The following BOD1 variants were observed in gnomAD, a reference collection of about 807,000 sequenced individuals.
BOD1 encodes the protein biorientation of chromosomes in cell division 1.
A neutral mutation model predicts 15.7 loss-of-function variants in BOD1; 11 were observed. That is an observed-to-expected ratio of 0.70 (90% CI 0.44 to 1.16). The LOEUF is 1.16. Among genes scored for constraint, BOD1 ranks in the 50% most tolerant of loss-of-function variants. The pLI is 0.00. For missense variants in BOD1, 182 were observed against 244.5 expected, an observed-to-expected ratio of 0.74 and a Z score of 1.70; for synonymous variants, 105 against 103.5, an observed-to-expected ratio of 1.01 and a Z score of -0.09.
At chr5:173,615,174 C>G (rs1318929405) in intron 1 of BOD1, among the ~76,000 whole-genome samples, 1 of 152,200 alleles carries the variant, frequency 6.6e-6, no homozygotes, top group East Asian at 1.9e-4. Context: ...GGAGAAGGAA[C>G]AGTGTATACC....
In BOD1 at chr5:173,609,321, G is replaced by T; in HGVS notation, c.476C>A (p.Ala159Asp). ...IERAIHEFLA[A>D]QKKAAVPAPP... ...TGCTGGCACAGCTGCTTTTTTCTGG[G>T]CCGCCAGGAACTCATGAATTGCTCG... Residue 159 changes from alanine (A) to aspartate (D), a missense_variant, in exon 3 of 4, where the codon GCC becomes GAC. Physicochemically the swap from Ala to Asp is moderately radical, Grantham distance 126. Around this residue, in one of 3 missense-constraint regions of BOD1, gnomAD observed 40 missense variants for 45.3 expected, o/e 0.88. Coordinates refer to ENST00000311086, the MANE Select transcript of BOD1 (RefSeq NM_138369.3). 6.2e-7 allele frequency: 1 copy of T among 1,614,210 alleles called. No homozygotes were observed. The highest frequency in any genetic ancestry group is 8.5e-7 in the Non-Finnish European group (1 of 1,180,046).
intron 1 of BOD1, among the ~76,000 whole-genome samples, chr5:173,615,310 G>A (rs891263607): frequency 6.6e-6 from 1 of 152,162 alleles, no homozygotes; most frequent in African/African-American, 2.4e-5. Flanking sequence ...GGCAACTAGA[G>A]GCCAATAAAC....
In BOD1 at chr5:173,611,635, A is replaced by G. The variant is rs541989802; in HGVS notation, c.362+1496T>C. On this transcript the variant is annotated intron_variant, in intron 2 of 3. Coordinates refer to ENST00000311086, the MANE Select transcript of BOD1 (RefSeq NM_138369.3). ...TATGGAAAACTTCCGAAAGGAGGAA[A>G]GTACATCCGGAGCTAGGCTGTTTCG... 2.0e-5 allele frequency among the ~76,000 whole-genome samples: 3 copies of G among 152,336 alleles called. No individual in the cohort carries two copies. In the East Asian group the frequency reaches 5.8e-4, roughly 29 times the overall value.
In BOD1 at chr5:173,609,451, G is replaced by A. The variant is rs369008982; in HGVS notation, c.363-17C>T. 1.2e-5 allele frequency: 15 copies of A among 1,219,326 alleles called. No individual in the cohort carries two copies. Among genetic ancestry groups the A allele is most frequent in the African/African-American group, 5.7e-5 (2 of 35,388 alleles). 75.5% of individuals were successfully genotyped at this position (1,219,326 alleles called of 1,614,324 possible). ...ATCCCTGACCTTGTGGAGACAAACA[G>A]ATCATTCTGTTATTTAGTTCCTTCG... On this transcript the variant is annotated splice_polypyrimidine_tract_variant and intron_variant, in intron 2 of 3. Coordinates refer to ENST00000311086, the MANE Select transcript of BOD1 (RefSeq NM_138369.3).
In BOD1 at chr5:173,613,511, G is replaced by T. The variant is rs547098654; in HGVS notation, c.238-256C>A. Among the ~76,000 whole-genome samples, 24 of 152,256 alleles carry T rather than the reference G, an allele frequency of 1.6e-4. No individual in the cohort carries two copies. In the Middle Eastern group the frequency reaches 0.017, roughly 108 times the overall value. ...CTTTTAAGTAACTCTACATGCAGCA[G>T]GCCTGACATCAACCCACAGCCTGGA... On this transcript the variant is annotated intron_variant, in intron 1 of 3. Coordinates refer to ENST00000311086, the MANE Select transcript of BOD1 (RefSeq NM_138369.3).
At chr5:173,609,497 T>A (rs1755292565) in intron 2 of BOD1, 63 bp from the exon 3 acceptor site, 1 of 1,456,218 alleles carries the variant, frequency 6.9e-7, no homozygotes, top group Non-Finnish European at 9.3e-7. Flanking sequence ...TTAGCCCCAA[T>A]AAGTGTCACG....
intron 2 of BOD1, 32 bp from the exon 3 acceptor site, chr5:173,609,466 T>C: frequency 7.9e-7 from 1 of 1,266,636 alleles, no homozygotes; most frequent in Non-Finnish European, 1.1e-6. Flanking sequence ...TTCTGTTATT[T>C]AGTTCCTTCG....
rs767474821 is a variant in BOD1, at chr5:173,609,304, C to T, written c.493G>A (p.Val165Met). 4 of 1,614,208 alleles carry T rather than the reference C, an allele frequency of 2.5e-6. No individual in the cohort carries two copies. The highest frequency in any genetic ancestry group is 2.2e-5 in the East Asian group (1 of 44,876). ...TCGGGCTCTGGAGGGGGTGCTGGCA[C>T]AGCTGCTTTTTTCTGGGCCGCCAGG... is the stretch of plus-strand genomic sequence containing the variant. ...EFLAAQKKAA[V>M]PAPPPEPEGQ... The change falls in exon 3 of 4, where the codon GTG becomes ATG. Residue 165 changes from valine (V) to methionine (M), a missense_variant. By Grantham distance (21) the Val-to-Met change is conservative (BLOSUM62 1). Coordinates refer to ENST00000311086, the MANE Select transcript of BOD1 (RefSeq NM_138369.3).
Position 173,609,344 on chromosome 5 carries a change from T to A in BOD1, c.453A>T (p.Arg151=). The A allele has an allele frequency of 6.2e-7, 1 of 1,613,550 alleles. No homozygotes were observed. Among genetic ancestry groups the A allele is most frequent in the Non-Finnish European group, 8.5e-7 (1 of 1,180,036 alleles). ...GGGCCGCCAGGAACTCATGAATTGC[T>A]CGTTCTATTTGTGGCCTGAAGATGT... The part of the protein sequence containing the change: ...LNHIFRPQIE[R]AIHEFLAAQK... Residue 151 remains arginine, a synonymous_variant, in exon 3 of 4, where the codon CGA becomes CGT. Coordinates refer to ENST00000311086, the MANE Select transcript of BOD1 (RefSeq NM_138369.3).
In BOD1 at chr5:173,616,414, C is replaced by A. The variant is rs1755504709; in HGVS notation, c.23G>T (p.Gly8Val). The change falls in exon 1 of 4, where the codon GGG (glycine) becomes GTG (valine). Residue 8 changes from glycine to valine, a missense_variant. This residue lies in a region of BOD1 where 72 missense variants were observed against 68.9 expected (regional missense o/e 1.05). Coordinates refer to ENST00000311086, the MANE Select transcript of BOD1 (RefSeq NM_138369.3). MADGGGG[G>V]GTGAVGGGGT... is the part of the protein sequence containing the mutation. ...GCCGCCGCCCACCGCGCCAGTTCCC[C>A]CGCCGCCGCCGCCGTCCGCCATGGC... is the stretch of plus-strand genomic sequence containing the variant. The A allele has an allele frequency of 6.6e-7, 1 of 1,526,224 alleles. No individual in the cohort carries two copies. Among genetic ancestry groups the A allele is most frequent in the African/African-American group, 1.4e-5 (1 of 69,914 alleles). The allele number at this position is 1,526,224 out of a possible 1,614,324, so 94.5% of individuals were successfully genotyped here. A position where few individuals can be genotyped will look rare whatever the true frequency, so the allele number is the denominator to read the frequency against.
At chr5:173,614,879 G>A (rs1755451021) in intron 1 of BOD1, 1 of 152,236 alleles carries the variant, frequency 6.6e-6, no homozygotes, top group Non-Finnish European at 1.5e-5. Flanking sequence ...ACGCATGAAT[G>A]TCTTTGAGGG....
chr5:173,609,480 T>C, intron 2 of BOD1, 46 bp from the exon 3 acceptor site: 1 of 1,337,372 alleles, frequency 7.5e-7, no homozygotes, highest in Non-Finnish European at 1.0e-6. Context: ...TCCTTCGGGA[T>C]TCATCTTTAG....
rs558351627 is a variant in BOD1, at chr5:173,607,576, T to C, written c.*718A>G. On this transcript the variant is annotated 3_prime_UTR_variant, in exon 4 of 4. Coordinates refer to ENST00000311086, the MANE Select transcript of BOD1 (RefSeq NM_138369.3). ...ATAAGCCATTTATTGACCATTCACT[T>C]TTCTAAAAAAACACAAATGTGAGAA... 4 of 152,404 alleles carry C rather than the reference T, an allele frequency of 2.6e-5. No individual in the cohort carries two copies. Among genetic ancestry groups the C allele is most frequent in the Admixed American group, 2.6e-4 (4 of 15,302 alleles). 9.4% of individuals were successfully genotyped at this position (152,404 alleles called of 1,614,324 possible).
Position 173,608,269 on chromosome 5 carries a change from C to T in BOD1, c.*25G>A. On this transcript the variant is annotated 3_prime_UTR_variant, in exon 4 of 4. Transcript: ENST00000311086. ...AATCCATTTCTTCACCAAAAATTAG[C>T]TTTCAAAAGGTGTCTGGCGTATTCT... The T allele has an allele frequency of 1.9e-6, 3 of 1,612,362 alleles. No individual in the cohort carries two copies. Among genetic ancestry groups the T allele is most frequent in the Middle Eastern group, 1.7e-4 (1 of 6,056 alleles).
At chr5:173,613,396 G>A in intron 1 of BOD1, 141 bp from the exon 2 acceptor site, 1 of 1,017,484 alleles carries the variant, frequency 9.8e-7, no homozygotes, top group Non-Finnish European at 1.5e-6. Context: ...ACCATGCAAT[G>A]TGGCAGTCAG....
At position 173,613,137 on chromosome 5, in the gene BOD1, A is replaced by G; in HGVS notation, c.356T>C (p.Val119Ala). The part of the protein sequence containing the change: ...NQLRNGLRQS[V>A]VQSGMLEAGV... ...TTAAATTCTGCTTACTTACTGAACC[A>G]CACTCTGCCTCAGACCATTTCGCAA... Residue 119 changes from valine to alanine, a missense_variant, in exon 2 of 4, where the codon GTG becomes GCG. This residue lies in a region of BOD1 where 70 missense variants were observed against 130.3 expected (regional missense o/e 0.54). Transcript: ENST00000311086. 4 of 1,613,934 alleles carry G rather than the reference A, an allele frequency of 2.5e-6. No homozygotes were observed. The highest frequency in any genetic ancestry group is 2.5e-6 in the Non-Finnish European group (3 of 1,179,900).
In BOD1 at chr5:173,607,994, T is replaced by C. The variant is rs1755246413; in HGVS notation, c.*300A>G. 2.2e-6 allele frequency: 1 copy of C among 447,220 alleles called. No individual in the cohort carries two copies. Among genetic ancestry groups the C allele is most frequent in the Non-Finnish European group, 4.0e-6 (1 of 248,364 alleles). The allele number at this position is 447,220 out of a possible 1,614,324, so 27.7% of individuals were successfully genotyped here. A position where few individuals can be genotyped will look rare whatever the true frequency, so the allele number is the denominator to read the frequency against. The stretch of plus-strand genomic sequence containing the variant: ...TCCATGTGCAGTCTCCATGTTCAAG[T>C]ATAAAAGTCTGTTTCAGGACAACCC... On this transcript the variant is annotated 3_prime_UTR_variant, in exon 4 of 4. Transcript: ENST00000311086.
intron 3 of BOD1, 141 bp from the exon 4 acceptor site, chr5:173,608,433 C>T: frequency 1.5e-6 from 1 of 674,216 alleles, no homozygotes; most frequent in Non-Finnish European, 2.5e-6. Flanking sequence ...TCAAGGGCTT[C>T]TCTCAATAGA....
rs1052592492 is a variant in BOD1, at chr5:173,616,212, G to A, written c.225C>T (p.Asp75=). The A allele has an allele frequency of 4.4e-6, 7 of 1,579,342 alleles. No homozygotes were observed. The highest frequency in any genetic ancestry group is 1.7e-4 in the Middle Eastern group (1 of 6,016). ...FDSFRRDCLA[D]VDTKPAYQNL... The stretch of plus-strand genomic sequence containing the variant: ...CGGCCGCAGCTACCTTGGTGTCCAC[G>A]TCGGCCAGGCAGTCCCGGCGGAAGC... The change falls in exon 1 of 4, where the codon GAC becomes GAT. Residue 75 remains aspartate, a synonymous_variant. Coordinates refer to ENST00000311086, the MANE Select transcript of BOD1 (RefSeq NM_138369.3).
Sources: gnomAD v4.1 joint callset for allele counts (sites outside exome capture counted in the v4.1 genomes callset) on GRCh38, gnomAD v4.1.1 for gene constraint, gnomAD v4.1.1 regional missense constraint, MANE v1.5 for transcripts, NCBI Gene and HGNC (gene_info 2026-07-23, HGNC 2026-07-21) for gene names.